The following ME1 variants were observed in gnomAD, a reference collection of about 807,000 sequenced individuals.
ME1 encodes NADP-dependent malic enzyme.
ME1 carries 74 observed loss-of-function variants against 66.4 expected under a neutral mutation model. That is an observed-to-expected ratio of 1.11 (90% confidence interval 0.92 to 1.35). ME1 has a LOEUF of 1.35. Ranked by LOEUF, ME1 falls within the 40% of genes most tolerant of loss-of-function variation. The probability of loss-of-function intolerance (pLI) is 0.00; values close to 1 mark genes in which losing one functional copy is unlikely to be tolerated. For missense variants in ME1, 750 were observed against 694.1 expected, an observed-to-expected ratio of 1.08 and a Z score of -0.90; for synonymous variants, 251 against 235.6, an observed-to-expected ratio of 1.07 and a Z score of -0.60.
At chr6:83,430,286 T>A (rs1346935907) in intron 1 of ME1, among the ~76,000 whole-genome samples, 1 of 152,162 alleles carries the variant, frequency 6.6e-6, no homozygotes, top group Non-Finnish European at 1.5e-5. Context: ...CCATGCAAAG[T>A]GTCCAAGACA....
intron 5 of ME1, among the ~76,000 whole-genome samples, chr6:83,321,770 G>C (rs1308800836): frequency 4.6e-5 from 7 of 152,204 alleles, no homozygotes; most frequent in Admixed American, 4.6e-4. Context: ...GAAGAGAGCA[G>C]CACATCTCCC....
At chr6:83,365,548 T>C (rs1422282814) in intron 3 of ME1, among the ~76,000 whole-genome samples, 2 of 152,202 alleles carry the variant, frequency 1.3e-5, no homozygotes, top group East Asian at 3.9e-4. Context: ...GTGTAAGGTA[T>C]ACAAAAACAA....
rs914156112 is a variant in ME1 at position 83,430,930 on chromosome 6, G to A, written c.25C>T (p.Arg9Cys). The A allele has an allele frequency of 1.3e-6, 2 of 1,592,722 alleles. No homozygotes were observed. The highest frequency in any genetic ancestry group is 1.7e-6 in the Non-Finnish European group (2 of 1,170,766). ...AGGTAGCCGCGCTGATGGGTGTGGC[G>A]GCGACGGGGGGCTTCGGGCTCCATG... The part of the protein sequence containing the change: MEPEAPRR[R>C]HTHQRGYLLT... Residue 9 changes from arginine (R) to cysteine (C), a missense_variant, in exon 1 of 14, where the codon CGC becomes TGC. Coordinates refer to ENST00000369705, the MANE Select transcript of ME1 (RefSeq NM_002395.6).
At chr6:83,351,834 G>A (rs1409013503) in intron 4 of ME1, among the ~76,000 whole-genome samples, 1 of 152,016 alleles carries the variant, frequency 6.6e-6, no homozygotes, top group African/African-American at 2.4e-5. Context: ...TACTTAGAAT[G>A]GAGGTACTAA....
chr6:83,214,261 A>G (rs1789951045), intron 13 of ME1, among the ~76,000 whole-genome samples: 1 of 152,306 alleles, frequency 6.6e-6, no homozygotes, highest in East Asian at 1.9e-4. Context: ...GTTATACCAT[A>G]GAAATAATCC....
intron 6 of ME1, among the ~76,000 whole-genome samples, chr6:83,299,341 C>T (rs534471158): frequency 6.6e-6 from 1 of 152,032 alleles, no homozygotes; most frequent in South Asian, 2.1e-4. Context: ...AGCTGTATTC[C>T]TAGATATTTT....
intron 6 of ME1, among the ~76,000 whole-genome samples, chr6:83,282,937 T>C (rs1005672682): frequency 1.3e-5 from 2 of 151,882 alleles, no homozygotes; most frequent in Admixed American, 6.6e-5. Context: ...CCATAAAAAA[T>C]GATGAGTTCG....
intron 6 of ME1, among the ~76,000 whole-genome samples, chr6:83,278,636 C>A (rs1358694668): frequency 6.7e-6 from 1 of 150,350 alleles, no homozygotes; most frequent in Admixed American, 6.6e-5. Context: ...TTTTTAATTT[C>A]TTGTAGATAT....
chr6:83,315,082 G>T (rs1318469289), intron 6 of ME1, among the ~76,000 whole-genome samples: 1 of 151,294 alleles, frequency 6.6e-6, no homozygotes, highest in Non-Finnish European at 1.5e-5. Context: ...AAAGGTTCTT[G>T]TAAAAAAAAA....
At chr6:83,220,053 T>C (rs751297949) in intron 12 of ME1, among the ~76,000 whole-genome samples, 3 of 152,210 alleles carry the variant, frequency 2.0e-5, no homozygotes, top group African/African-American at 7.2e-5. Flanking sequence ...ACTATTTATA[T>C]GACATAATAT....
intron 5 of ME1, among the ~76,000 whole-genome samples, chr6:83,343,490 C>T (rs1469735017): frequency 2.0e-5 from 3 of 152,104 alleles, no homozygotes; most frequent in Non-Finnish European, 4.4e-5. Context: ...TCCTGAAAGT[C>T]GAATGGCAGT....
intron 3 of ME1, among the ~76,000 whole-genome samples, chr6:83,388,396 ACTTT>A (rs1396027711): frequency 6.6e-6 from 1 of 152,172 alleles, no homozygotes; most frequent in Non-Finnish European, 1.5e-5. Flanking sequence ...CCCCAAATGA[ACTTT>A]CTATCTCTCT....
At chr6:83,285,892 A>T (rs1767388149) in intron 6 of ME1, among the ~76,000 whole-genome samples, 1 of 152,178 alleles carries the variant, frequency 6.6e-6, no homozygotes. Flanking sequence ...TGAATAACCG[A>T]GTTTTCCATA....
At chr6:83,319,046 T>C (rs1192584715) in intron 5 of ME1, among the ~76,000 whole-genome samples, 6 of 148,252 alleles carry the variant, frequency 4.0e-5, no homozygotes, top group African/African-American at 1.0e-4. Context: ...AGTAAACTAT[T>C]GCAAGAACAA....
chr6:83,406,353 T>A (rs1298432204), intron 2 of ME1, among the ~76,000 whole-genome samples: 1 of 152,228 alleles, frequency 6.6e-6, no homozygotes, highest in Non-Finnish European at 1.5e-5. Flanking sequence ...TAAAATGAGT[T>A]AGGGAGGAGT....
chr6:83,264,257 C>A (rs1766948161), intron 6 of ME1, among the ~76,000 whole-genome samples: 1 of 152,196 alleles, frequency 6.6e-6, no homozygotes, highest in Non-Finnish European at 1.5e-5. Flanking sequence ...ATGAGACCTA[C>A]TGCTCAAAAA....
intron 5 of ME1, among the ~76,000 whole-genome samples, chr6:83,340,681 AT>A (rs59194661): frequency 1.3e-3 from 187 of 146,846 alleles, no homozygotes; most frequent in South Asian, 2.4e-3. Context: ...GTTATGTGCT[AT>A]TTTTTTTTTT....
At chr6:83,283,584 AAAAAAC>A (rs1171521228) in intron 6 of ME1, among the ~76,000 whole-genome samples, 4 of 152,158 alleles carry the variant, frequency 2.6e-5, no homozygotes, top group Admixed American at 1.3e-4. Context: ...AACTTAAAAT[AAAAAAC>A]AAAAACAAAA....
At chr6:83,381,662 T>C (rs1183241336) in intron 3 of ME1, among the ~76,000 whole-genome samples, 1 of 152,184 alleles carries the variant, frequency 6.6e-6, no homozygotes, top group Non-Finnish European at 1.5e-5. Flanking sequence ...GGCAACTCTG[T>C]TAGCTTACAG....
Sources: allele counts gnomAD v4.1 joint callset (sites outside exome capture counted in the v4.1 genomes callset), GRCh38; gene constraint gnomAD v4.1.1; transcripts MANE v1.5; gene names NCBI Gene and HGNC (gene_info 2026-07-23, HGNC 2026-07-21).